Variants in HSD3B7 observed in about 807,000 individuals in gnomAD.
HSD3B7 encodes the protein hydroxy-delta-5-steroid dehydrogenase, 3 beta- and steroid delta-isomerase 7.
HSD3B7 carries 35 observed loss-of-function variants against 34.3 expected under a neutral mutation model. That is an observed-to-expected ratio of 1.02 (90% CI 0.78 to 1.35). The LOEUF (loss-of-function observed/expected upper bound fraction) is 1.35, where lower values mean the gene tolerates loss of function less well. Among genes scored for constraint, HSD3B7 ranks in the 40% most tolerant of loss-of-function variants. The pLI, the probability that HSD3B7 is intolerant of heterozygous loss-of-function variation, is 0.00. For synonymous variants in HSD3B7, 217 were observed against 220.1 expected, an observed-to-expected ratio of 0.99 and a Z score of 0.13; for missense variants, 426 against 504.7, an observed-to-expected ratio of 0.84 and a Z score of 1.49.
intron 6 of HSD3B7, chr16:30,987,263 G>C (rs1400638527): frequency 1.9e-6 from 1 of 529,750 alleles, no homozygotes; most frequent in Admixed American, 3.2e-5. Context: ...CCCCAGGAGA[G>C]GAGAGGAGAG....
chr16:30,985,277 A>G lies in HSD3B7; in HGVS notation c.-27A>G, dbSNP rs1596701543. ...AGGGCCCCTCCAGGCCAGTCTGGGC[A>G]CCCTGGGATAGCGGCTGCAGGTAGG... is the stretch of plus-strand genomic sequence containing the variant. On this transcript the variant is annotated 5_prime_UTR_variant, in exon 1 of 7. Coordinates refer to ENST00000297679, the MANE Select transcript of HSD3B7 (RefSeq NM_025193.4). 1 of 1,175,680 alleles carries G rather than the reference A, an allele frequency of 8.5e-7. No homozygotes were observed. The highest frequency in any genetic ancestry group is 6.1e-5 in the East Asian group (1 of 16,392). 72.8% of individuals were successfully genotyped at this position (1,175,680 alleles called of 1,614,324 possible).
In HSD3B7 at chr16:30,987,050, C is replaced by G. The variant is rs1288982748; in HGVS notation, c.694+48C>G. 2.5e-6 allele frequency: 4 copies of G among 1,578,616 alleles called. No individual in the cohort carries two copies. The African/African-American group carries it at 4.0e-5, about 16-fold the overall frequency. On this transcript the variant is annotated intron_variant, in intron 6 of 6. Transcript: ENST00000297679. ...GGAGGCTGAGAATATGGCAGGAGGA[C>G]TTGCTCTAGAAGGGGGCAGGACCCA...
chr16:30,986,434 G>A lies in HSD3B7; in HGVS notation c.334G>A (p.Val112Met), dbSNP rs746072197. Residue 112 changes from valine to methionine, a missense_variant, in exon 4 of 7, where the codon GTG becomes ATG. Physicochemically the swap from Val to Met is conservative, Grantham distance 21. Transcript: ENST00000297679. ...TCCTCCTCTGCCAGGTACCCGGAAC[G>A]TGATCGAGGCTTGTGTGCAGACCGG... The part of the protein sequence containing the change: ...HEVNVQGTRN[V>M]IEACVQTGTR... 1.2e-5 allele frequency: 20 copies of A among 1,614,096 alleles called. No individual in the cohort carries two copies. The highest frequency in any genetic ancestry group is 3.3e-4 in the Middle Eastern group (2 of 6,062).
Position 30,987,951 on chromosome 16 carries a change from G to A in HSD3B7, c.878G>A (p.Trp293Ter). ...LVGARPLLPY[W>*]LLVFLAALNA... ...GGCGCCCGCCCATTGCTGCCCTACT[G>A]GCTGCTGGTGTTCCTGGCTGCCCTC... Residue 293 changes from tryptophan (W) to a stop codon, truncating the protein, a stop_gained, in exon 7 of 7, where the codon TGG (tryptophan) becomes TAG (stop). Coordinates refer to ENST00000297679, the MANE Select transcript of HSD3B7 (RefSeq NM_025193.4). LOFTEE classifies it high-confidence loss of function. 1 of 1,612,724 alleles carries A rather than the reference G, an allele frequency of 6.2e-7. No individual in the cohort carries two copies. Among genetic ancestry groups the A allele is most frequent in the Non-Finnish European group, 8.5e-7 (1 of 1,180,008 alleles).
chr16:30,987,507 C>T (rs1036148160), intron 6 of HSD3B7: 14 of 573,654 alleles, frequency 2.4e-5, no homozygotes, highest in Admixed American at 9.1e-5. Context: ...GCCACTCCAT[C>T]CTGCAGTCCC....
intron 1 of HSD3B7, 93 bp downstream of exon 1, chr16:30,985,390 C>T: frequency 7.3e-7 from 1 of 1,367,682 alleles, no homozygotes; most frequent in Non-Finnish European, 9.5e-7. Flanking sequence ...CCCTCAACTC[C>T]TGGCCTCCCC....
At chr16:30,987,737 G>T in intron 6 of HSD3B7, 31 bp from the exon 7 acceptor site, 1 of 1,606,144 alleles carries the variant, frequency 6.2e-7, no homozygotes, top group South Asian at 1.1e-5. Context: ...GGCACTCAGG[G>T]GTGTGTCCGC....
rs2056503170 is a variant in HSD3B7 at position 30,987,655 on chromosome 16, GA to G, written c.695-112del. The G allele has an allele frequency of 2.5e-6, 3 of 1,213,734 alleles. No individual in the cohort carries two copies. The East Asian group carries it at 7.0e-5, about 28-fold the overall frequency. The allele number at this position is 1,213,734 out of a possible 1,614,324, so 75.2% of individuals were successfully genotyped here. A position where few individuals can be genotyped will look rare whatever the true frequency, so the allele number is the denominator to read the frequency against. ...GCAGCCTTTCCCAGGCTGCTGTGGG[GA>G]TGTGGGCGGCAACTACCTGGGCCCA... is the stretch of plus-strand genomic sequence containing the variant. On this transcript the variant is annotated intron_variant, in intron 6 of 6. Transcript: ENST00000297679.
chr16:30,988,112 C>T lies in HSD3B7; in HGVS notation c.1039C>T (p.Leu347=), dbSNP rs2056514865. The T allele has an allele frequency of 3.7e-6, 6 of 1,606,396 alleles. No individual in the cohort carries two copies. The highest frequency in any genetic ancestry group is 1.7e-5 in the Admixed American group (1 of 59,976). Residue 347 remains leucine (L), a synonymous_variant, in exon 7 of 7, where the codon CTG becomes TTG. Coordinates refer to ENST00000297679, the MANE Select transcript of HSD3B7 (RefSeq NM_025193.4). Reference sequence around the variant, plus strand: ...TCAGCGCCATTTCGGCTATGAGCCCCTGTTCTCGTGGGAGGATAGCCGGAC... The same window carrying T: ...TCAGCGCCATTTCGGCTATGAGCCCTTGTTCTCGTGGGAGGATAGCCGGAC... The part of the protein sequence containing the change: ...KAQRHFGYEP[L]FSWEDSRTRT...
rs1297601874 is a variant in HSD3B7, at chr16:30,985,678, C to T, written c.20C>T (p.Ala7Val). Reference protein sequence around the residue: MADSAQAQKLVYLVTGG... With the variant: MADSAQVQKLVYLVTGG... ...CCAGGCATGGCCGACTCTGCACAGG[C>T]CCAGAAGCTGGTGTACCTGGTCACA... is the stretch of plus-strand genomic sequence containing the variant. The change falls in exon 2 of 7, where the codon GCC becomes GTC. Residue 7 changes from alanine (A) to valine (V), a missense_variant. Transcript: ENST00000297679. 6.2e-7 allele frequency: 1 copy of T among 1,607,192 alleles called. No individual in the cohort carries two copies. Among genetic ancestry groups the T allele is most frequent in the Non-Finnish European group, 8.5e-7 (1 of 1,179,250 alleles).
chr16:30,986,467 T>C lies in HSD3B7; in HGVS notation c.367T>C (p.Phe123Leu), dbSNP rs371208440. 5.0e-6 allele frequency: 8 copies of C among 1,613,952 alleles called. No individual in the cohort carries two copies. The African/African-American group carries it at 9.3e-5, about 19-fold the overall frequency. The change falls in exon 4 of 7, where the codon TTC (phenylalanine) becomes CTC (leucine). Residue 123 changes from phenylalanine to leucine, a missense_variant. By Grantham distance (22) the Phe-to-Leu change is conservative (BLOSUM62 0). Transcript: ENST00000297679. ...GGCTTGTGTGCAGACCGGAACACGG[T>C]TCCTGGTCTACACCAGCAGCATGGA... ...IEACVQTGTRFLVYTSSMEVV... is the reference protein window; with the variant it reads ...IEACVQTGTRLLVYTSSMEVV...
chr16:30,986,224 C>G lies in HSD3B7; in HGVS notation c.322+20C>G. On this transcript the variant is annotated intron_variant, in intron 3 of 6. Coordinates refer to ENST00000297679, the MANE Select transcript of HSD3B7 (RefSeq NM_025193.4). ...TGCAGGGTGAGGAGCTCTGGACACT[C>G]CTGGCCATCTTGCCTGTTTGTTCCC... 1 of 1,612,000 alleles carries G rather than the reference C, an allele frequency of 6.2e-7. No homozygotes were observed. The highest frequency in any genetic ancestry group is 8.5e-7 in the Non-Finnish European group (1 of 1,179,078).
rs757589014 is a variant in HSD3B7, at chr16:30,988,167, C to T, written c.1094C>T (p.Thr365Met). Residue 365 changes from threonine (T) to methionine (M), a missense_variant, in exon 7 of 7, where the codon ACG (threonine) becomes ATG (methionine). Thr to Met is a moderately conservative substitution (Grantham distance 81). Coordinates refer to ENST00000297679, the MANE Select transcript of HSD3B7 (RefSeq NM_025193.4). ...ACCATTCTCTGGGTACAGGCCGCTA[C>T]GGGTTCAGCCCAGTGACGGTGGGGC... ...TRTILWVQAA[T>M]GSAQ The T allele has an allele frequency of 1.7e-5, 27 of 1,601,140 alleles. No individual in the cohort carries two copies. The highest frequency in any genetic ancestry group is 4.5e-5 in the East Asian group (2 of 44,616).
chr16:30,986,309 G>A (rs2056476413), intron 3 of HSD3B7, 105 bp downstream of exon 3: 1 of 1,553,184 alleles, frequency 6.4e-7, no homozygotes, highest in Non-Finnish European at 8.8e-7. Context: ...CCTATTGACA[G>A]CCCTGCCCCC....
chr16:30,985,762 G>A lies in HSD3B7; in HGVS notation c.104G>A (p.Arg35Gln), dbSNP rs766847555. ...VVRMLLQREPRLGELRVFDQH... is the reference protein window; with the variant it reads ...VVRMLLQREPQLGELRVFDQH... ...CGAATGCTGCTGCAGCGGGAGCCCC[G>A]GCTCGGGGAGCTGCGGGTCTTTGAC... is the stretch of plus-strand genomic sequence containing the variant. The change falls in exon 2 of 7, where the codon CGG (arginine) becomes CAG (glutamine). Residue 35 changes from arginine (R) to glutamine (Q), a missense_variant. By Grantham distance (43) the Arg-to-Gln change is conservative. Transcript: ENST00000297679. 7.0e-5 allele frequency: 112 copies of A among 1,604,624 alleles called. No homozygotes were observed. Among genetic ancestry groups the A allele is most frequent in the Non-Finnish European group, 8.5e-5 (100 of 1,177,046 alleles).
In HSD3B7 at chr16:30,986,040, C is replaced by G; in HGVS notation, c.167-9C>G. 6.2e-7 allele frequency: 1 copy of G among 1,612,266 alleles called. No homozygotes were observed. The highest frequency in any genetic ancestry group is 8.5e-7 in the Non-Finnish European group (1 of 1,179,770). On this transcript the variant is annotated splice_polypyrimidine_tract_variant and intron_variant, in intron 2 of 6. Coordinates refer to ENST00000297679, the MANE Select transcript of HSD3B7 (RefSeq NM_025193.4). ...TCTGACATGGCCTGTGTCCTCCAAC[C>G]CCGGCCAGGGCCTGTGAGGGTGACT...
Position 30,986,179 on chromosome 16 carries a change from GA to G in HSD3B7, c.298del (p.Thr100ProfsTer13). 6.2e-7 allele frequency: 1 copy of G among 1,614,068 alleles called. No individual in the cohort carries two copies. Among genetic ancestry groups the G allele is most frequent in the South Asian group, 1.1e-5 (1 of 91,066 alleles). On this transcript the variant is annotated frameshift_variant, in exon 3 of 7. Transcript: ENST00000297679. LOFTEE classifies it high-confidence loss of function. ...ACGTGTTTGGCAGGGCCAGTCCCAA[GA>G]CCATCCATGAGGTCAACGTGCAGGG... ...VDVFGRASPKTIHEVNVQGTR... is the reference protein window; with the variant it reads ...VDVFGRASPKXIHEVNVQGTR...
At position 30,985,721 on chromosome 16, in the gene HSD3B7, G is replaced by T. The variant is rs779077300; in HGVS notation, c.63G>T (p.Leu21=). 16 of 1,608,762 alleles carry T rather than the reference G, an allele frequency of 9.9e-6. No individual in the cohort carries two copies. The highest frequency in any genetic ancestry group is 1.3e-5 in the Non-Finnish European group (15 of 1,179,124). ...TGGTCACAGGGGGCTGTGGCTTCCT[G>T]GGAGAGCACGTGGTGCGAATGCTGC... The part of the protein sequence containing the change: ...VYLVTGGCGF[L]GEHVVRMLLQ... The change falls in exon 2 of 7, where the codon CTG becomes CTT. Residue 21 remains leucine (L), a synonymous_variant. Coordinates refer to ENST00000297679, the MANE Select transcript of HSD3B7 (RefSeq NM_025193.4).
Position 30,985,666 on chromosome 16 carries a change from ACT to A in HSD3B7, c.11_12del (p.Ser4CysfsTer39), listed in dbSNP as rs765226811. The A allele has an allele frequency of 2.9e-5, 47 of 1,605,038 alleles. No individual in the cohort carries two copies. Among genetic ancestry groups the A allele is most frequent in the South Asian group, 5.6e-5 (5 of 90,030 alleles). The stretch of plus-strand genomic sequence containing the variant: ...TCTCTTCCCCAGCCAGGCATGGCCG[ACT>A]CTGCACAGGCCCAGAAGCTGGTGTA... On this transcript the variant is annotated frameshift_variant, in exon 2 of 7. Transcript: ENST00000297679. LOFTEE classifies it high-confidence loss of function.
Sources: allele counts gnomAD v4.1 joint callset, GRCh38; gene constraint gnomAD v4.1.1; transcripts MANE v1.5; gene names NCBI Gene and HGNC (gene_info 2026-07-23, HGNC 2026-07-21).